Variants in FMN2 observed in about 807,000 individuals in gnomAD.
FMN2 encodes formin 2.
Under a neutral mutation model 142.3 loss-of-function variants are expected in FMN2, and 51 were observed. The observed-to-expected ratio is 0.36, with a 90% CI of 0.29 to 0.45. The LOEUF (loss-of-function observed/expected upper bound fraction) is 0.45, where lower values mean the gene tolerates loss of function less well. Among genes scored for constraint, FMN2 ranks in the 20% least tolerant of loss-of-function variants. FMN2 has a pLI of 1.00. For synonymous variants in FMN2, 882 were observed against 869.8 expected, an observed-to-expected ratio of 1.01 and a Z score of -0.25; for missense variants, 1,936 against 2,122.8, an observed-to-expected ratio of 0.91 and a Z score of 1.73.
chr1:240,299,659 G>A (rs975927553), intron 8 of FMN2, among the ~76,000 whole-genome samples: 12 of 152,166 alleles, frequency 7.9e-5, no homozygotes, highest in African/African-American at 2.7e-4. Flanking sequence ...AATTTCAGAC[G>A]TGATTGCCTC....
chr1:240,209,388 C>T (rs374531917), intron 5 of FMN2, among the ~76,000 whole-genome samples: 1 of 151,368 alleles, frequency 6.6e-6, no homozygotes, highest in Non-Finnish European at 1.5e-5. Context: ...GTAGCTGGGA[C>T]TACAGGCGCC....
At chr1:240,232,093 TGGA>T (rs1667543335) in intron 6 of FMN2, among the ~76,000 whole-genome samples, 1 of 152,030 alleles carries the variant, frequency 6.6e-6, no homozygotes, top group Admixed American at 6.6e-5. Context: ...TTTTTTGAGA[TGGA>T]GTCTTGCTCT....
intron 3 of FMN2, among the ~76,000 whole-genome samples, chr1:240,181,802 C>A (rs1665165292): frequency 6.6e-6 from 1 of 152,184 alleles, no homozygotes; most frequent in Non-Finnish European, 1.5e-5. Context: ...TTCTATTTAT[C>A]ATTTTCTCTT....
At chr1:240,289,684 T>C (rs969813425) in intron 7 of FMN2, among the ~76,000 whole-genome samples, 1 of 151,838 alleles carries the variant, frequency 6.6e-6, no homozygotes, top group Non-Finnish European at 1.5e-5. Flanking sequence ...TGTCACTCTG[T>C]CTCTCTCTAA....
intron 4 of FMN2, among the ~76,000 whole-genome samples, chr1:240,192,139 A>AT (rs1420704564): frequency 1.3e-5 from 2 of 152,094 alleles, no homozygotes; most frequent in African/African-American, 4.8e-5. Flanking sequence ...AGAAGTAAAT[A>AT]TTTTTTTACT....
chr1:240,173,432 G>T (rs992394419), intron 2 of FMN2, among the ~76,000 whole-genome samples: 1 of 152,200 alleles, frequency 6.6e-6, no homozygotes, highest in Non-Finnish European at 1.5e-5. Flanking sequence ...CAGGTGTGCT[G>T]AGTTAGCTGT....
At chr1:240,306,438 T>C (rs943566291) in intron 8 of FMN2, among the ~76,000 whole-genome samples, 2 of 152,170 alleles carry the variant, frequency 1.3e-5, no homozygotes, top group Non-Finnish European at 2.9e-5. Context: ...CTCCCTCCTT[T>C]TGGAGTCCCC....
At chr1:240,294,991 C>T (rs1041894424) in intron 8 of FMN2, 108 bp downstream of exon 8, 53 of 939,556 alleles carry the variant, frequency 5.6e-5, no homozygotes, top group Middle Eastern at 6.7e-4. Context: ...AAATTTGATC[C>T]GAGTGTAGTG....
intron 6 of FMN2, among the ~76,000 whole-genome samples, chr1:240,220,290 C>T (rs906466752): frequency 6.6e-6 from 1 of 152,176 alleles, no homozygotes; most frequent in Non-Finnish European, 1.5e-5. Context: ...CTGTTACCAG[C>T]CACCCCCAGC....
At chr1:240,470,172 T>A (rs1232192356) in intron 16 of FMN2, among the ~76,000 whole-genome samples, 1 of 148,296 alleles carries the variant, frequency 6.7e-6, no homozygotes, top group East Asian at 2.0e-4. Flanking sequence ...CCAAGTAAAT[T>A]TAAGAGGAGA....
At chr1:240,159,110 C>T (rs1664153203) in intron 2 of FMN2, among the ~76,000 whole-genome samples, 1 of 151,966 alleles carries the variant, frequency 6.6e-6, no homozygotes, top group African/African-American at 2.4e-5. Context: ...TCTCATGGTA[C>T]CATAAAGTAA....
intron 8 of FMN2, among the ~76,000 whole-genome samples, chr1:240,304,324 G>T (rs1670301060): frequency 1.3e-5 from 2 of 151,892 alleles, no homozygotes; most frequent in African/African-American, 4.8e-5. Flanking sequence ...TCTTCCCAAG[G>T]GTTTGCTGGG....
chr1:240,270,145 A>C (rs1668949426), intron 7 of FMN2, among the ~76,000 whole-genome samples: 1 of 152,068 alleles, frequency 6.6e-6, no homozygotes, highest in Non-Finnish European at 1.5e-5. Context: ...TTCACCATTG[A>C]GTATCCTGTT....
chr1:240,381,324 C>T (rs539770219), intron 14 of FMN2, among the ~76,000 whole-genome samples: 1 of 152,310 alleles, frequency 6.6e-6, no homozygotes, highest in East Asian at 1.9e-4. Context: ...TAATATTATA[C>T]ATCACCATCA....
chr1:240,181,940 T>C (rs557280113), intron 3 of FMN2, among the ~76,000 whole-genome samples: 1 of 152,298 alleles, frequency 6.6e-6, no homozygotes, highest in Admixed American at 6.5e-5. Flanking sequence ...TCTGAATGCT[T>C]TACGTATTGA....
intron 7 of FMN2, among the ~76,000 whole-genome samples, chr1:240,271,355 T>A (rs2102920811): frequency 6.6e-6 from 1 of 151,758 alleles, no homozygotes; most frequent in South Asian, 2.1e-4. Context: ...TTTGTAATAG[T>A]CTCAAAAATT....
At chr1:240,205,010 T>TTA (rs1197408835) in intron 4 of FMN2, among the ~76,000 whole-genome samples, 1 of 152,226 alleles carries the variant, frequency 6.6e-6, no homozygotes, top group Non-Finnish European at 1.5e-5. Flanking sequence ...GAGTTTAGTT[T>TTA]TATACTTAAT....
intron 15 of FMN2, among the ~76,000 whole-genome samples, chr1:240,427,171 T>TTTTATATATATATA (rs1222415126): frequency 4.4e-5 from 6 of 136,892 alleles, no homozygotes; most frequent in African/African-American, 1.6e-4. Flanking sequence ...ACAACTGATT[T>TTTTATATATATATA]TATATATATA....
chr1:240,224,248 A>G (rs1209466421), intron 6 of FMN2, among the ~76,000 whole-genome samples: 1 of 152,152 alleles, frequency 6.6e-6, no homozygotes, highest in East Asian at 1.9e-4. Context: ...TTTACCCAGT[A>G]GTCGTTCAGG....
Sources: allele counts gnomAD v4.1 joint callset (sites outside exome capture counted in the v4.1 genomes callset), GRCh38; gene constraint gnomAD v4.1.1; transcripts MANE v1.5; gene names NCBI Gene and HGNC (gene_info 2026-07-23, HGNC 2026-07-21).